Variants in ABRAXAS1 observed in about 807,000 individuals in gnomAD.
ABRAXAS1 encodes the protein abraxas 1, BRCA1 A complex subunit, also known as BRCA1-A complex subunit Abraxas 1.
In ABRAXAS1, 26 loss-of-function variants were observed where a neutral mutation model predicts 38.4. The observed-to-expected ratio is 0.68, with a 90% CI of 0.50 to 0.94. ABRAXAS1 has a LOEUF of 0.94. Ranked by LOEUF, ABRAXAS1 falls within the 40% of genes least tolerant of loss-of-function variation. The pLI, the probability that ABRAXAS1 is intolerant of heterozygous loss-of-function variation, is 0.00. For synonymous variants in ABRAXAS1, 144 were observed against 165.5 expected, an observed-to-expected ratio of 0.87 and a Z score of 1.00; for missense variants, 438 against 481.9, an observed-to-expected ratio of 0.91 and a Z score of 0.85.
intron 1 of ABRAXAS1, 158 bp downstream of exon 1, chr4:83,484,828 G>C (rs543763263): frequency 4.3e-5 from 23 of 533,462 alleles, no homozygotes; most frequent in African/African-American, 3.4e-4. Flanking sequence ...AGGCACCTCA[G>C]GGACCGCTGA....
chr4:83,464,981 C>G (rs771698410), intron 7 of ABRAXAS1, among the ~76,000 whole-genome samples: 1 of 152,118 alleles, frequency 6.6e-6, no homozygotes, highest in Non-Finnish European at 1.5e-5. Context: ...CCATAACATT[C>G]TCTATGAAAT....
At position 83,462,790 on chromosome 4, in the gene ABRAXAS1, A is replaced by AT. The variant is rs1578122465; in HGVS notation, c.908dup (p.Asn303LysfsTer2). ...TACAGCTACTTTTAGAAACATGTCT[A>AT]TTTTTTAAAGACATAACACATGAAT... is the stretch of plus-strand genomic sequence containing the variant. On this transcript the variant is annotated frameshift_variant, in exon 9 of 9. Transcript: ENST00000321945. LOFTEE classifies it low-confidence loss of function (END_TRUNC). 6.2e-7 allele frequency: 1 copy of AT among 1,613,854 alleles called. No homozygotes were observed. The highest frequency in any genetic ancestry group is 1.7e-5 in the Admixed American group (1 of 59,998).
chr4:83,459,768 C>T lies in ABRAXAS1; in HGVS notation c.*2701G>A. On this transcript the variant is annotated 3_prime_UTR_variant, in exon 9 of 9. Transcript: ENST00000321945. ...TTGTCCCAGTTTGTTTCTCCATTTA[C>T]TGGATGCATTTATGGAAGGCACATT... The T allele has an allele frequency of 6.2e-7, 1 of 1,610,692 alleles. No individual in the cohort carries two copies. Among genetic ancestry groups the T allele is most frequent in the Non-Finnish European group, 8.5e-7 (1 of 1,178,238 alleles).
At chr4:83,474,083 C>T (rs940014862) in intron 3 of ABRAXAS1, among the ~76,000 whole-genome samples, 6 of 151,490 alleles carry the variant, frequency 4.0e-5, no homozygotes, top group Non-Finnish European at 7.4e-5. Context: ...TGGGAAGCTG[C>T]AGTGAACTGA....
In ABRAXAS1 at chr4:83,460,475, GT is replaced by G. The variant is rs2110030354; in HGVS notation, c.*1993del. 1 of 153,976 alleles carries G rather than the reference GT, an allele frequency of 6.5e-6. No homozygotes were observed. The highest frequency in any genetic ancestry group is 6.5e-5 in the Admixed American group (1 of 15,372). The allele number at this position is 153,976 out of a possible 1,614,324, so 9.5% of individuals were successfully genotyped here. ...CAACCCCACTTGTTTTTGTAGTTTT[GT>G]TTACGTAGTGCCATATGGTTGTTTT... On this transcript the variant is annotated 3_prime_UTR_variant, in exon 9 of 9. Coordinates refer to ENST00000321945, the MANE Select transcript of ABRAXAS1 (RefSeq NM_139076.3).
chr4:83,472,810 G>C (rs1458973786), intron 3 of ABRAXAS1, among the ~76,000 whole-genome samples: 1 of 152,164 alleles, frequency 6.6e-6, no homozygotes, highest in Non-Finnish European at 1.5e-5. Flanking sequence ...GTTTGTTCAG[G>C]AGTTGGAATA....
intron 5 of ABRAXAS1, chr4:83,469,663 T>C (rs1722507688): frequency 6.3e-6 from 1 of 158,952 alleles, no homozygotes; most frequent in Non-Finnish European, 1.4e-5. Context: ...CTCTTTTGAT[T>C]AGTACATGTA....
At chr4:83,468,737 G>C (rs2110038407) in intron 6 of ABRAXAS1, among the ~76,000 whole-genome samples, 1 of 152,102 alleles carries the variant, frequency 6.6e-6, no homozygotes, top group African/African-American at 2.4e-5. Flanking sequence ...ATGGGGTTTT[G>C]CTGTGTTGCC....
chr4:83,468,933 T>C, intron 6 of ABRAXAS1, 99 bp downstream of exon 6: 1 of 1,394,024 alleles, frequency 7.2e-7, no homozygotes, highest in South Asian at 1.3e-5. Context: ...AGTAATGGAT[T>C]AATTTTCCCT....
At chr4:83,481,617 T>C (rs1228723961) in intron 2 of ABRAXAS1, among the ~76,000 whole-genome samples, 2 of 152,228 alleles carry the variant, frequency 1.3e-5, no homozygotes, top group African/African-American at 2.4e-5. Context: ...TCATCCTTGT[T>C]TCCCTGGCAG....
rs1387569363 is a variant in ABRAXAS1, at chr4:83,470,397, C to G, written c.283-1G>C. On this transcript the variant is annotated splice_acceptor_variant, in intron 4 of 8. Coordinates refer to ENST00000321945, the MANE Select transcript of ABRAXAS1 (RefSeq NM_139076.3). LOFTEE classifies it high-confidence loss of function. Reference sequence around the variant, plus strand: ...GGAATTTGTACCAACCTACCACATTCTGAAATACAGAATAAAAAGGATATA... The same window carrying G: ...GGAATTTGTACCAACCTACCACATTGTGAAATACAGAATAAAAAGGATATA... 6.2e-7 allele frequency: 1 copy of G among 1,606,798 alleles called. No homozygotes were observed. Among genetic ancestry groups the G allele is most frequent in the South Asian group, 1.1e-5 (1 of 90,286 alleles).
intron 7 of ABRAXAS1, chr4:83,467,226 C>G: frequency 2.7e-6 from 1 of 370,596 alleles, no homozygotes; most frequent in Non-Finnish European, 4.8e-6. Flanking sequence ...TTTGGTTTTC[C>G]CTATGAAAAC....
chr4:83,477,746 G>A (rs1354489381), intron 2 of ABRAXAS1: 2 of 661,774 alleles, frequency 3.0e-6, no homozygotes, highest in South Asian at 2.7e-5. Context: ...AGCGGAAGGT[G>A]TATTGGCTCT....
intron 2 of ABRAXAS1, 110 bp downstream of exon 2, chr4:83,482,044 C>T: frequency 1.4e-6 from 1 of 690,646 alleles, no homozygotes; most frequent in Non-Finnish European, 2.3e-6. Flanking sequence ...CTTGCCCAGC[C>T]TCTGTATTTC....
In ABRAXAS1 at chr4:83,460,258, A is replaced by T. The variant is rs925204276; in HGVS notation, c.*2211T>A. On this transcript the variant is annotated 3_prime_UTR_variant, in exon 9 of 9. Coordinates refer to ENST00000321945, the MANE Select transcript of ABRAXAS1 (RefSeq NM_139076.3). ...CTGCAACCTCTGCCTCCTGGGTTCA[A>T]GTGATTCTCATGCTTCAGCCTCCCG... 2.0e-5 allele frequency: 3 copies of T among 152,412 alleles called. No homozygotes were observed. The highest frequency in any genetic ancestry group is 7.3e-5 in the African/African-American group (3 of 41,350). The allele number at this position is 152,412 out of a possible 1,614,324, so 9.4% of individuals were successfully genotyped here. A position where few individuals can be genotyped will look rare whatever the true frequency, so the allele number is the denominator to read the frequency against.
Position 83,461,487 on chromosome 4 carries a change from A to G in ABRAXAS1, c.*982T>C. ...ATAGAATGGAATTAAAACTGTTCAG[A>G]ATGATTTTCCAACTAGCAAATATAA... On this transcript the variant is annotated 3_prime_UTR_variant, in exon 9 of 9. Transcript: ENST00000321945. 2.9e-6 allele frequency: 1 copy of G among 344,546 alleles called. No individual in the cohort carries two copies. The highest frequency in any genetic ancestry group is 4.8e-5 in the South Asian group (1 of 20,926). The allele number at this position is 344,546 out of a possible 1,614,324, so 21.3% of individuals were successfully genotyped here. A position where few individuals can be genotyped will look rare whatever the true frequency, so the allele number is the denominator to read the frequency against.
chr4:83,461,237 A>G lies in ABRAXAS1; in HGVS notation c.*1232T>C. On this transcript the variant is annotated 3_prime_UTR_variant, in exon 9 of 9. Coordinates refer to ENST00000321945, the MANE Select transcript of ABRAXAS1 (RefSeq NM_139076.3). The stretch of plus-strand genomic sequence containing the variant: ...CCACTAATAAACTTATTTTACAGTA[A>G]GTGGTTGTATGATGCCAATACTGAC... The G allele has an allele frequency of 6.3e-7, 1 of 1,579,388 alleles. No homozygotes were observed. Among genetic ancestry groups the G allele is most frequent in the East Asian group, 2.2e-5 (1 of 44,648 alleles).
Position 83,463,604 on chromosome 4 carries a change from A to C in ABRAXAS1, c.686T>G (p.Ile229Arg). Residue 229 changes from isoleucine to arginine, a missense_variant, in exon 8 of 9, where the codon ATA (isoleucine) becomes AGA (arginine). This residue lies in a region of ABRAXAS1 where 194 missense variants were observed against 269.0 expected (regional missense o/e 0.72). Transcript: ENST00000321945. Reference protein sequence around the residue: ...YASLQEELKSICKKVEDSEQA... With the variant: ...YASLQEELKSRCKKVEDSEQA... ...TTCACTGTCTTCCACTTTTTTGCAT[A>C]TACTCTGCAAAATAAAGTAATTTAA... The C allele has an allele frequency of 6.3e-7, 1 of 1,590,194 alleles. No homozygotes were observed. Among genetic ancestry groups the C allele is most frequent in the Non-Finnish European group, 8.6e-7 (1 of 1,162,778 alleles).
chr4:83,484,858 C>T (rs1419304133), intron 1 of ABRAXAS1, 128 bp downstream of exon 1: 1 of 724,418 alleles, frequency 1.4e-6, no homozygotes, highest in Non-Finnish European at 2.1e-6. Flanking sequence ...AAGGCAGAGC[C>T]GCGACCGCAG....
Sources: allele counts gnomAD v4.1 joint callset (sites outside exome capture counted in the v4.1 genomes callset), GRCh38; gene constraint gnomAD v4.1.1; regional missense constraint gnomAD v4.1.1; transcripts MANE v1.5; gene names NCBI Gene and HGNC (gene_info 2026-07-23, HGNC 2026-07-21).